ADAMTS3: variants seen among roughly 807,000 people sequenced by gnomAD.
ADAMTS3 encodes ADAM metallopeptidase with thrombospondin type 1 motif 3.
In ADAMTS3, 73 loss-of-function variants were observed where a neutral mutation model predicts 129.0. The observed-to-expected ratio is 0.57, with a 90% CI of 0.47 to 0.69. The LOEUF (loss-of-function observed/expected upper bound fraction) is 0.69, where lower values mean the gene tolerates loss of function less well. Among genes scored for constraint, ADAMTS3 ranks in the 30% least tolerant of loss-of-function variants. ADAMTS3 has a pLI of 0.00. For synonymous variants in ADAMTS3, 477 were observed against 510.8 expected (o/e 0.93, Z 0.89); for missense variants, 1,457 against 1,514.5 (o/e 0.96, Z 0.63).
At chr4:72,433,423 A>C (rs904853476) in intron 3 of ADAMTS3, among the ~76,000 whole-genome samples, 9 of 152,066 alleles carry the variant, frequency 5.9e-5, no homozygotes, top group Non-Finnish European at 1.2e-4. Context: ...ATCTATCAAA[A>C]GAAGCTATAC....
chr4:72,291,860 C>T (rs1263956602), intron 19 of ADAMTS3, among the ~76,000 whole-genome samples: 1 of 152,176 alleles, frequency 6.6e-6, no homozygotes, highest in Admixed American at 6.5e-5. Flanking sequence ...AGCTTACAGT[C>T]CCACCAACGG....
At chr4:72,470,406 CAT>C (rs1719041359) in intron 3 of ADAMTS3, among the ~76,000 whole-genome samples, 5 of 146,516 alleles carry the variant, frequency 3.4e-5, no homozygotes, top group African/African-American at 1.0e-4. Flanking sequence ...CACACACACA[CAT>C]TTCATATACA....
Position 72,453,898 on chromosome 4 carries a change from T to C in ADAMTS3, c.505-38927A>G, listed in dbSNP as rs534198047. 1.7e-4 allele frequency among the ~76,000 whole-genome samples: 25 copies of C among 147,924 alleles called. No homozygotes were observed. In the South Asian group the frequency reaches 2.9e-3, roughly 17 times the overall value. On this transcript the variant is annotated intron_variant, in intron 3 of 21. Transcript: ENST00000286657. Reference sequence around the variant, plus strand: ...TTATATTATACTATATTATATTATATGTAAAATATATATATATATATGTAT... The same window carrying C: ...TTATATTATACTATATTATATTATACGTAAAATATATATATATATATGTAT...
intron 3 of ADAMTS3, among the ~76,000 whole-genome samples, chr4:72,530,817 T>TAG (rs1560554680): frequency 8.7e-6 from 1 of 114,794 alleles, no homozygotes; most frequent in Non-Finnish European, 1.7e-5. Flanking sequence ...ATATATTATA[T>TAG]ATTATATAGA....
At chr4:72,423,924 TA>T (rs534866780) in intron 3 of ADAMTS3, among the ~76,000 whole-genome samples, 285 of 152,268 alleles carry the variant, frequency 1.9e-3, no homozygotes, top group African/African-American at 6.7e-3. Context: ...TCAATTTCTA[TA>T]AAGCTTCCCC....
intron 11 of ADAMTS3, 77 bp downstream of exon 11, chr4:72,315,781 T>C (rs1719378136): frequency 1.1e-6 from 1 of 941,828 alleles, no homozygotes; most frequent in Non-Finnish European, 1.6e-6. Context: ...CAGCTGTGTT[T>C]ACCATTTTCC....
rs1322210737 is a variant in ADAMTS3 at position 72,388,614 on chromosome 4, T to C, written c.661+26201A>G. Among the ~76,000 whole-genome samples, 12 of 152,188 alleles carry C rather than the reference T, an allele frequency of 7.9e-5. No homozygotes were observed. The East Asian group carries it at 2.3e-3, about 29-fold the overall frequency. The stretch of plus-strand genomic sequence containing the variant: ...TTAGAAAAAATAAATAAATGTCTTT[T>C]CTGTTCAAGTCATAGCGTTTGGGGG... On this transcript the variant is annotated intron_variant, in intron 4 of 21. Transcript: ENST00000286657.
intron 4 of ADAMTS3, among the ~76,000 whole-genome samples, chr4:72,412,667 T>C (rs1267013585): frequency 6.6e-6 from 1 of 152,072 alleles, no homozygotes; most frequent in Non-Finnish European, 1.5e-5. Flanking sequence ...AAGCTCATAT[T>C]AACGTTTATC....
At chr4:72,399,670 G>C (rs1721824888) in intron 4 of ADAMTS3, among the ~76,000 whole-genome samples, 1 of 149,284 alleles carries the variant, frequency 6.7e-6, no homozygotes, top group Non-Finnish European at 1.5e-5. Context: ...TTAGAAAACT[G>C]TCAAGAAGTT....
At chr4:72,508,933 AC>A (rs980329957) in intron 3 of ADAMTS3, among the ~76,000 whole-genome samples, 15 of 152,138 alleles carry the variant, frequency 9.9e-5, no homozygotes, top group African/African-American at 3.6e-4. Flanking sequence ...ATCTTCTCTA[AC>A]CACAATGGAA....
At chr4:72,370,337 C>A (rs116070938) in intron 4 of ADAMTS3, among the ~76,000 whole-genome samples, 1 of 152,132 alleles carries the variant, frequency 6.6e-6, no homozygotes, top group Non-Finnish European at 1.5e-5. Context: ...TTTCCCTTCT[C>A]CCCTTCAAAT....
intron 21 of ADAMTS3, among the ~76,000 whole-genome samples, chr4:72,285,301 C>A (rs1361114258): frequency 1.3e-5 from 2 of 152,106 alleles, no homozygotes; most frequent in African/African-American, 2.4e-5. Flanking sequence ...TTCATATAAG[C>A]TAGGTCATCA....
At position 72,517,582 on chromosome 4, in the gene ADAMTS3, G is replaced by A. The variant is rs577039174; in HGVS notation, c.504+30896C>T. Among the ~76,000 whole-genome samples, 832 of 152,252 alleles carry A rather than the reference G, an allele frequency of 5.5e-3. 10 individuals carry two copies. Among genetic ancestry groups the A allele is most frequent in the African/African-American group, 0.019 (803 of 41,544 alleles). ...AGTCTTGGGAGGGTGTATGTGTCAA[G>A]GAATTTATCCATTTCTTCTAGATTT... is the stretch of plus-strand genomic sequence containing the variant. On this transcript the variant is annotated intron_variant, in intron 3 of 21. Transcript: ENST00000286657.
At chr4:72,456,265 T>C in intron 3 of ADAMTS3, among the ~76,000 whole-genome samples, 1 of 146,398 alleles carries the variant, frequency 6.8e-6, no homozygotes, top group Non-Finnish European at 1.5e-5. Flanking sequence ...ATATACTGTA[T>C]ATACTATATA....
At chr4:72,429,814 A>G (rs1004461220) in intron 3 of ADAMTS3, among the ~76,000 whole-genome samples, 2 of 152,132 alleles carry the variant, frequency 1.3e-5, no homozygotes, top group African/African-American at 2.4e-5. Flanking sequence ...GGCGCTTGCT[A>G]TTTTCCTTCT....
intron 3 of ADAMTS3, among the ~76,000 whole-genome samples, chr4:72,492,170 A>C (rs1719765099): frequency 6.6e-6 from 1 of 151,496 alleles, no homozygotes; most frequent in African/African-American, 2.4e-5. Context: ...TCTTAGACTA[A>C]GGGTTTTTTA....
intron 4 of ADAMTS3, among the ~76,000 whole-genome samples, chr4:72,343,023 A>G (rs1252100267): frequency 2.6e-5 from 4 of 152,196 alleles, no homozygotes; most frequent in Non-Finnish European, 4.4e-5. Flanking sequence ...GGGCACCCAG[A>G]TGGGGCTTCC....
intron 3 of ADAMTS3, among the ~76,000 whole-genome samples, chr4:72,480,068 G>C (rs1369927466): frequency 6.6e-6 from 1 of 152,186 alleles, no homozygotes; most frequent in Non-Finnish European, 1.5e-5. Flanking sequence ...AGGATGTGGA[G>C]AAATAGGAAC....
intron 4 of ADAMTS3, among the ~76,000 whole-genome samples, chr4:72,380,678 T>C (rs909768094): frequency 3.2e-4 from 49 of 152,100 alleles, no homozygotes; most frequent in African/African-American, 1.2e-3. Flanking sequence ...ATATCGAATT[T>C]CTCACACAAT....
Sources: gnomAD v4.1 joint callset for allele counts (sites outside exome capture counted in the v4.1 genomes callset) on GRCh38, gnomAD v4.1.1 for gene constraint, MANE v1.5 for transcripts, NCBI Gene and HGNC (gene_info 2026-07-23, HGNC 2026-07-21) for gene names.